Variants in DGKI observed in about 807,000 individuals in gnomAD.
The protein encoded by DGKI is diacylglycerol kinase iota.
DGKI carries 55 observed loss-of-function variants against 147.5 expected under a neutral mutation model. The observed-to-expected ratio is 0.37, with a 90% CI of 0.30 to 0.47. The LOEUF (loss-of-function observed/expected upper bound fraction) is 0.47. DGKI is among the 20% of genes least tolerant of loss of function. The pLI is 1.00. For missense variants in DGKI, 1,007 were observed against 1,323.8 expected (o/e 0.76, Z 3.71); for synonymous variants, 469 against 477.1 (o/e 0.98, Z 0.22).
At chr7:137,646,293 A>G (rs1821821783) in intron 5 of DGKI, among the ~76,000 whole-genome samples, 1 of 152,258 alleles carries the variant, frequency 6.6e-6, no homozygotes. Context: ...GAGTGAAGAA[A>G]GAGAAAAGCT....
At chr7:137,504,713 A>C (rs1816305446) in intron 21 of DGKI, among the ~76,000 whole-genome samples, 1 of 152,158 alleles carries the variant, frequency 6.6e-6, no homozygotes, top group Admixed American at 6.5e-5. Flanking sequence ...CATTTAATCA[A>C]CCTATGCATA....
At chr7:137,399,301 A>C (rs937346580) in intron 30 of DGKI, among the ~76,000 whole-genome samples, 4 of 152,068 alleles carry the variant, frequency 2.6e-5, no homozygotes, top group Admixed American at 6.5e-5. Flanking sequence ...CACCTCAGTT[A>C]TTTTTTGTAT....
At chr7:137,730,142 A>C (rs1794832187) in intron 1 of DGKI, among the ~76,000 whole-genome samples, 1 of 152,030 alleles carries the variant, frequency 6.6e-6, no homozygotes, top group South Asian at 2.1e-4. Flanking sequence ...CTATAGCTCT[A>C]ATAGGCCGCC....
rs113447508 is a variant in DGKI at position 137,424,855 on chromosome 7, C to A, written c.2762-12648G>T. Among the ~76,000 whole-genome samples the A allele has an allele frequency of 3.3e-4, 50 of 152,350 alleles. 1 individual carries two copies. The highest frequency in any genetic ancestry group is 1.2e-3 in the African/African-American group (49 of 41,592). On this transcript the variant is annotated intron_variant, in intron 28 of 32. Coordinates refer to ENST00000614521, the MANE Select transcript of DGKI (RefSeq NM_001321708.2). Reference sequence around the variant, plus strand: ...TGGGGGAGGGGCACCCGCCATTGCCCAGGCTTGCTTAGGTAAACAAAGCAG... The same window carrying A: ...TGGGGGAGGGGCACCCGCCATTGCCAAGGCTTGCTTAGGTAAACAAAGCAG...
chr7:137,710,379 T>TG (rs1264620095), intron 1 of DGKI, among the ~76,000 whole-genome samples: 1 of 152,116 alleles, frequency 6.6e-6, no homozygotes, highest in Non-Finnish European at 1.5e-5. Context: ...TCAAGACCTG[T>TG]TATAATCCAT....
At chr7:137,443,767 A>T (rs1188373274) in intron 28 of DGKI, among the ~76,000 whole-genome samples, 1 of 152,184 alleles carries the variant, frequency 6.6e-6, no homozygotes, top group African/African-American at 2.4e-5. Flanking sequence ...CTGAGTCATA[A>T]AAAGCACAGG....
At chr7:137,753,321 G>A (rs1001683090) in intron 1 of DGKI, among the ~76,000 whole-genome samples, 8 of 152,194 alleles carry the variant, frequency 5.3e-5, no homozygotes, top group South Asian at 2.1e-4. Flanking sequence ...ACACTGCCCC[G>A]GAAAGTGGAT....
chr7:137,656,550 T>G lies in DGKI; in HGVS notation c.607-10A>C, dbSNP rs772953512. The G allele has an allele frequency of 2.5e-6, 4 of 1,613,862 alleles. No homozygotes were observed. In the East Asian group the frequency reaches 6.7e-5, roughly 27 times the overall value. ...TCCTGAGAGCTGATTTCTACAATAT[T>G]CAATTCAAAAGACAAAAAAGAAATG... On this transcript the variant is annotated splice_polypyrimidine_tract_variant and intron_variant, in intron 3 of 32. Coordinates refer to ENST00000614521, the MANE Select transcript of DGKI (RefSeq NM_001321708.2).
chr7:137,609,392 T>C (rs1336116655), intron 9 of DGKI, 143 bp downstream of exon 9: 1 of 653,668 alleles, frequency 1.5e-6, no homozygotes, highest in Admixed American at 2.9e-5. Flanking sequence ...ACAGAAAGAA[T>C]CCTATTGTGG....
At chr7:137,648,734 C>T (rs545867538) in intron 5 of DGKI, among the ~76,000 whole-genome samples, 1 of 152,108 alleles carries the variant, frequency 6.6e-6, no homozygotes, top group South Asian at 2.1e-4. Flanking sequence ...CTGTGGTTGA[C>T]CTTGGGTAAT....
intron 28 of DGKI, among the ~76,000 whole-genome samples, chr7:137,433,470 G>A (rs1418079609): frequency 6.6e-6 from 1 of 152,090 alleles, no homozygotes; most frequent in African/African-American, 2.4e-5. Flanking sequence ...TTAAATATTG[G>A]GATTTCTAGT....
chr7:137,515,741 A>G (rs1311677874), intron 21 of DGKI, among the ~76,000 whole-genome samples: 1 of 152,132 alleles, frequency 6.6e-6, no homozygotes, highest in Non-Finnish European at 1.5e-5. Flanking sequence ...TATCTATCAC[A>G]CTGAGATGTC....
At chr7:137,405,724 C>T (rs1202357969) in intron 30 of DGKI, among the ~76,000 whole-genome samples, 1 of 152,096 alleles carries the variant, frequency 6.6e-6, no homozygotes, top group Non-Finnish European at 1.5e-5. Flanking sequence ...AGCTTCCACT[C>T]TCACCCCTGG....
rs1811262227 is a variant in DGKI, at chr7:137,388,892, C to T, written c.*2328G>A. On this transcript the variant is annotated 3_prime_UTR_variant, in exon 33 of 33. Transcript: ENST00000614521. Reference sequence around the variant, plus strand: ...CATTTTTCATAACACAGATTTATGTCTTCAATTGGAGCTATTTAGAAATTG... The same window carrying T: ...CATTTTTCATAACACAGATTTATGTTTTCAATTGGAGCTATTTAGAAATTG... 6.6e-6 allele frequency: 1 copy of T among 151,180 alleles called. No homozygotes were observed. The highest frequency in any genetic ancestry group is 2.4e-5 in the African/African-American group (1 of 41,058). 9.4% of individuals were successfully genotyped at this position (151,180 alleles called of 1,614,324 possible). A position where few individuals can be genotyped will look rare whatever the true frequency, so the allele number is the denominator to read the frequency against.
intron 32 of DGKI, among the ~76,000 whole-genome samples, chr7:137,393,461 C>T (rs1811439337): frequency 6.6e-6 from 1 of 152,120 alleles, no homozygotes; most frequent in South Asian, 2.1e-4. Context: ...GGCAGTTGTG[C>T]TGCTGTGGTC....
chr7:137,505,093 A>AG (rs1816320132), intron 21 of DGKI, among the ~76,000 whole-genome samples: 1 of 66,230 alleles, frequency 1.5e-5, no homozygotes, highest in African/African-American at 6.3e-5. Context: ...ACATAGACAA[A>AG]GGGGGGGAAC....
chr7:137,647,744 T>C (rs2129009235), intron 5 of DGKI, among the ~76,000 whole-genome samples: 2 of 152,344 alleles, frequency 1.3e-5, no homozygotes, highest in South Asian at 4.1e-4. Flanking sequence ...AGCATCTGCC[T>C]ACTCAACCGA....
chr7:137,680,335 G>A (rs1016088241), intron 2 of DGKI, among the ~76,000 whole-genome samples: 5 of 152,210 alleles, frequency 3.3e-5, no homozygotes, highest in Non-Finnish European at 7.3e-5. Flanking sequence ...TGTTATAGCA[G>A]CCTGAGCAGA....
At chr7:137,458,000 AGAAGGAAC>A (rs1814273197) in intron 27 of DGKI, among the ~76,000 whole-genome samples, 1 of 152,124 alleles carries the variant, frequency 6.6e-6, no homozygotes, top group African/African-American at 2.4e-5. Context: ...AGCACTTATT[AGAAGGAAC>A]TTTAATAATT....
Sources: gnomAD v4.1 joint callset for allele counts (sites outside exome capture counted in the v4.1 genomes callset) on GRCh38, gnomAD v4.1.1 for gene constraint, MANE v1.5 for transcripts, NCBI Gene and HGNC (gene_info 2026-07-23, HGNC 2026-07-21) for gene names.